SGCG: variants seen among roughly 807,000 people sequenced by gnomAD.
SGCG encodes sarcoglycan gamma.
A neutral mutation model predicts 29.3 loss-of-function variants in SGCG; 26 were observed. The observed-to-expected ratio is 0.89, with a 90% CI of 0.65 to 1.23. The LOEUF is 1.23. SGCG is among the 50% of genes most tolerant of loss of function. SGCG has a pLI of 0.00. For synonymous variants in SGCG, 145 were observed against 129.7 expected, an observed-to-expected ratio of 1.12 and a Z score of -0.80; for missense variants, 353 against 356.0, an observed-to-expected ratio of 0.99 and a Z score of 0.07.
the SGCG span, among the ~76,000 whole-genome samples, chr13:23,174,083 A>G: frequency 2.6e-5 from 4 of 152,218 alleles, no homozygotes; most frequent in South Asian, 6.2e-4. Flanking sequence ...AAAGTGTCAG[A>G]CAATCTGCTT....
At chr13:23,246,736 T>G (rs1879725519) in intron 3 of SGCG, 1 of 217,570 alleles carries the variant, frequency 4.6e-6, no homozygotes. Context: ...AGAAGGTATT[T>G]AAAAGATAGC....
At chr13:23,274,639 G>A (rs1354085602) in intron 4 of SGCG, among the ~76,000 whole-genome samples, 1 of 151,984 alleles carries the variant, frequency 6.6e-6, no homozygotes, top group Non-Finnish European at 1.5e-5. Flanking sequence ...AGCCAGGATG[G>A]TCTCGATCTC....
At chr13:23,292,281 T>A (rs1881744061) in intron 5 of SGCG, among the ~76,000 whole-genome samples, 2 of 152,162 alleles carry the variant, frequency 1.3e-5, no homozygotes, top group African/African-American at 2.4e-5. Flanking sequence ...GGCTAATTTT[T>A]GTATTTTTAG....
chr13:23,266,394 G>A (rs1880643864), intron 4 of SGCG, among the ~76,000 whole-genome samples: 1 of 152,122 alleles, frequency 6.6e-6, no homozygotes, highest in Non-Finnish European at 1.5e-5. Flanking sequence ...CTTTTGCAGT[G>A]ACTTGGATGG....
chr13:23,207,485 G>C (rs1593173061), intron 2 of SGCG, among the ~76,000 whole-genome samples: 2 of 152,136 alleles, frequency 1.3e-5, no homozygotes, highest in East Asian at 3.8e-4. Context: ...ATACTAAAAA[G>C]CCTCTCTGCA....
intron 4 of SGCG, among the ~76,000 whole-genome samples, chr13:23,274,155 T>C (rs1489015736): frequency 6.6e-6 from 1 of 152,208 alleles, no homozygotes; most frequent in East Asian, 1.9e-4. Context: ...CTTTGTCTGA[T>C]ATCAGGATTT....
chr13:23,324,740 CA>C lies in SGCG; in HGVS notation c.*203del. 1.7e-6 allele frequency: 1 copy of C among 589,882 alleles called. No individual in the cohort carries two copies. Among genetic ancestry groups the C allele is most frequent in the East Asian group, 2.9e-5 (1 of 34,020 alleles). 36.5% of individuals were successfully genotyped at this position (589,882 alleles called of 1,614,324 possible). On this transcript the variant is annotated 3_prime_UTR_variant, in exon 8 of 8. Coordinates refer to ENST00000218867, the MANE Select transcript of SGCG (RefSeq NM_000231.3). ...TCAAAATGCACGTGGATGTGAGACACAAAAGTTGACAAAATGGAAAAGCAAT... is the reference window on the plus strand; with the variant it reads ...TCAAAATGCACGTGGATGTGAGACACAAAGTTGACAAAATGGAAAAGCAAT...
At position 23,251,094 on chromosome 13, in the gene SGCG, C is replaced by T. The variant is rs551707509; in HGVS notation, c.385+377C>T. ...CCACGAATACATTCAGTTCCCTCCC[C>T]GTTCTTTCTTCTCTTTTCTCTCCTC... On this transcript the variant is annotated intron_variant, in intron 4 of 7. Transcript: ENST00000218867. Among the ~76,000 whole-genome samples the T allele has an allele frequency of 6.6e-5, 10 of 152,280 alleles. No individual in the cohort carries two copies. The South Asian group carries it at 1.5e-3, about 22-fold the overall frequency.
intron 6 of SGCG, among the ~76,000 whole-genome samples, chr13:23,310,032 A>G (rs1049250054): frequency 1.3e-5 from 2 of 148,944 alleles, no homozygotes; most frequent in Admixed American, 6.7e-5. Flanking sequence ...TGCAAATTAC[A>G]TTGTTAACAT....
chr13:23,292,368 C>T (rs1241153628), intron 5 of SGCG, among the ~76,000 whole-genome samples: 1 of 152,220 alleles, frequency 6.6e-6, no homozygotes, highest in Non-Finnish European at 1.5e-5. Flanking sequence ...CCTTGGCCTC[C>T]CAAAGTGCTG....
chr13:23,315,226 G>A (rs36117688), intron 6 of SGCG, among the ~76,000 whole-genome samples: 28,951 of 152,172 alleles, frequency 0.19, 3,345 homozygotes, highest in Non-Finnish European at 0.25. Context: ...GTGGAAACTG[G>A]AAGTTTGACT....
intron 4 of SGCG, among the ~76,000 whole-genome samples, chr13:23,261,067 A>T (rs912855353): frequency 1.3e-5 from 2 of 152,018 alleles, no homozygotes; most frequent in African/African-American, 4.8e-5. Flanking sequence ...TATTTCCTGA[A>T]TTTGAATGTT....
At chr13:23,229,243 G>C (rs1879016498) in intron 2 of SGCG, among the ~76,000 whole-genome samples, 1 of 152,150 alleles carries the variant, frequency 6.6e-6, no homozygotes, top group Non-Finnish European at 1.5e-5. Flanking sequence ...ATTGTGAATA[G>C]TGCTGCAATG....
chr13:23,278,101 T>C (rs1881159039), intron 4 of SGCG, among the ~76,000 whole-genome samples: 1 of 152,100 alleles, frequency 6.6e-6, no homozygotes, highest in Non-Finnish European at 1.5e-5. Flanking sequence ...GGCAAACTGC[T>C]AGGACTACTG....
chr13:23,161,444 A>C, the SGCG span, among the ~76,000 whole-genome samples: 1 of 152,206 alleles, frequency 6.6e-6, no homozygotes. Context: ...CGTACTATTC[A>C]TGTACTAATA....
At chr13:23,308,920 GT>G (rs879255904) in intron 6 of SGCG, among the ~76,000 whole-genome samples, 25 of 151,006 alleles carry the variant, frequency 1.7e-4, no homozygotes, top group African/African-American at 5.3e-4. Flanking sequence ...AACTCTCCTG[GT>G]TTTTTTTTAT....
the SGCG span, among the ~76,000 whole-genome samples, chr13:23,169,217 T>G: frequency 6.6e-6 from 1 of 152,002 alleles, no homozygotes; most frequent in Non-Finnish European, 1.5e-5. Flanking sequence ...ACACTGATGA[T>G]GTGGATTTCC....
intron 6 of SGCG, 22 bp from the exon 7 acceptor site, chr13:23,320,615 G>GTTTTTTTTTC: frequency 1.4e-6 from 1 of 710,898 alleles, no homozygotes; most frequent in Non-Finnish European, 1.8e-6. Flanking sequence ...TTTTTTTTTT[G>GTTTTTTTTTC]TGCTTCTTTT....
chr13:23,209,045 A>T (rs757019477), intron 2 of SGCG, among the ~76,000 whole-genome samples: 1 of 152,120 alleles, frequency 6.6e-6, no homozygotes, highest in Non-Finnish European at 1.5e-5. Flanking sequence ...TGAAGGTAAG[A>T]TGAATGATTC....
Sources: allele counts gnomAD v4.1 joint callset (sites outside exome capture counted in the v4.1 genomes callset), GRCh38; gene constraint gnomAD v4.1.1; transcripts MANE v1.5; gene names NCBI Gene and HGNC (gene_info 2026-07-23, HGNC 2026-07-21).